The following KIAA0825 variants were observed in gnomAD, a reference collection of about 807,000 sequenced individuals.
The protein encoded by KIAA0825 is KIAA0825.
In KIAA0825, 119 loss-of-function variants were observed where a neutral mutation model predicts 147.6. The ratio of observed to expected loss-of-function variants is 0.81; its 90% confidence interval spans 0.69 to 0.94. KIAA0825 has a LOEUF of 0.94. Among genes scored for constraint, KIAA0825 ranks in the 40% least tolerant of loss-of-function variants. The pLI, the probability that KIAA0825 is intolerant of heterozygous loss-of-function variation, is 0.00. For missense variants in KIAA0825, 1,381 were observed against 1,472.7 expected, an observed-to-expected ratio of 0.94 and a Z score of 1.02; for synonymous variants, 470 against 518.1, an observed-to-expected ratio of 0.91 and a Z score of 1.26.
intron 20 of KIAA0825, among the ~76,000 whole-genome samples, chr5:94,278,756 A>G (rs1025394538): frequency 4.6e-5 from 7 of 152,122 alleles, no homozygotes; most frequent in Non-Finnish European, 1.0e-4. Context: ...TGAAGTTGAA[A>G]TGTACCTTTT....
intron 20 of KIAA0825, among the ~76,000 whole-genome samples, chr5:94,378,165 G>C (rs971314626): frequency 1.6e-4 from 25 of 152,130 alleles, no homozygotes; most frequent in Non-Finnish European, 2.9e-5. Flanking sequence ...TAGATAAATT[G>C]CGTGTCACAG....
At chr5:94,452,409 A>G (rs1288032876) in intron 13 of KIAA0825, among the ~76,000 whole-genome samples, 1 of 152,202 alleles carries the variant, frequency 6.6e-6, no homozygotes, top group African/African-American at 2.4e-5. Context: ...GATACCAAGG[A>G]AAGGTACTTT....
At chr5:94,487,937 A>C (rs748692176) in intron 5 of KIAA0825, among the ~76,000 whole-genome samples, 1 of 152,172 alleles carries the variant, frequency 6.6e-6, no homozygotes, top group Non-Finnish European at 1.5e-5. Flanking sequence ...TGGGCCACAG[A>C]GTGGGACCCT....
chr5:94,412,398 G>T (rs1209299539), intron 15 of KIAA0825, among the ~76,000 whole-genome samples: 1 of 152,162 alleles, frequency 6.6e-6, no homozygotes, highest in Non-Finnish European at 1.5e-5. Context: ...CAGTTTAGTA[G>T]TTTCTTTTTT....
rs77044316 is a variant in KIAA0825 at position 94,494,689 on chromosome 5, C to T, written c.971-9759G>A. Reference sequence around the variant, plus strand: ...ATCCCTTTCTTGGTCTCAAATTTTGCAAGAGTTCAGTTAATTATATCTCTT... The same window carrying T: ...ATCCCTTTCTTGGTCTCAAATTTTGTAAGAGTTCAGTTAATTATATCTCTT... On this transcript the variant is annotated intron_variant, in intron 5 of 20. Transcript: ENST00000682413. 5.4e-3 allele frequency among the ~76,000 whole-genome samples: 819 copies of T among 152,210 alleles called. 8 individuals carry two copies. The highest frequency in any genetic ancestry group is 0.027 in the Middle Eastern group (8 of 294).
intron 12 of KIAA0825, among the ~76,000 whole-genome samples, chr5:94,455,122 T>C (rs568834166): frequency 6.6e-6 from 1 of 152,216 alleles, no homozygotes; most frequent in East Asian, 1.9e-4. Context: ...GGTTTGAAGA[T>C]ATCAGTGTGG....
chr5:94,379,280 A>G (rs1370726513), intron 20 of KIAA0825, among the ~76,000 whole-genome samples: 1 of 152,188 alleles, frequency 6.6e-6, no homozygotes, highest in Non-Finnish European at 1.5e-5. Context: ...TGATTTTTGT[A>G]TATGGTGTAA....
Position 94,339,621 on chromosome 5 carries a change from C to T in KIAA0825, c.3710+44747G>A, listed in dbSNP as rs140566336. 3.3e-5 allele frequency among the ~76,000 whole-genome samples: 5 copies of T among 152,236 alleles called. No individual in the cohort carries two copies. The East Asian group carries it at 7.7e-4, about 24-fold the overall frequency. ...CAAGCCTGATGTCTCACCAGGCACT[C>T]GGGAGACAATGTGAGAAAGCACAGT... On this transcript the variant is annotated intron_variant, in intron 20 of 20. Transcript: ENST00000682413.
chr5:94,268,630 A>T (rs1257382153), intron 20 of KIAA0825, among the ~76,000 whole-genome samples: 4 of 152,126 alleles, frequency 2.6e-5, no homozygotes, highest in South Asian at 4.1e-4. Context: ...AATCTTTAGA[A>T]TGTATTCTAT....
At chr5:94,224,068 T>G (rs1773917084) in intron 20 of KIAA0825, among the ~76,000 whole-genome samples, 1 of 147,906 alleles carries the variant, frequency 6.8e-6, no homozygotes, top group African/African-American at 2.5e-5. Flanking sequence ...TTCTTTTCTC[T>G]TTCTTTTTCT....
At chr5:94,444,132 T>C (rs565238956) in intron 13 of KIAA0825, among the ~76,000 whole-genome samples, 4 of 152,144 alleles carry the variant, frequency 2.6e-5, no homozygotes, top group Non-Finnish European at 4.4e-5. Context: ...AAGATTGTGA[T>C]AATCCACTTG....
At chr5:94,539,037 TAGG>T (rs1772714101) in intron 2 of KIAA0825, among the ~76,000 whole-genome samples, 1 of 152,134 alleles carries the variant, frequency 6.6e-6, no homozygotes, top group African/African-American at 2.4e-5. Context: ...CAGGATGAGA[TAGG>T]AGGTCAGCAC....
At chr5:94,405,207 C>A (rs1446983205) in intron 15 of KIAA0825, among the ~76,000 whole-genome samples, 1 of 152,102 alleles carries the variant, frequency 6.6e-6, no homozygotes, top group Non-Finnish European at 1.5e-5. Flanking sequence ...TCAGTATAAT[C>A]TTTTATATTT....
intron 20 of KIAA0825, among the ~76,000 whole-genome samples, chr5:94,171,193 TG>T (rs1768579448): frequency 6.6e-6 from 1 of 152,168 alleles, no homozygotes; most frequent in African/African-American, 2.4e-5. Flanking sequence ...GTCTTTCCTA[TG>T]CTGTTCTCAT....
chr5:94,558,233 A>G (rs958840685), intron 2 of KIAA0825, among the ~76,000 whole-genome samples: 7 of 152,118 alleles, frequency 4.6e-5, no homozygotes, highest in Non-Finnish European at 1.0e-4. Context: ...GCAGCCTGCC[A>G]CCATTTTGGA....
At chr5:94,541,212 C>T (rs191276204) in intron 2 of KIAA0825, among the ~76,000 whole-genome samples, 26 of 152,266 alleles carry the variant, frequency 1.7e-4, no homozygotes, top group East Asian at 3.9e-4. Flanking sequence ...TGGAGTTAGA[C>T]GCTGGAAAGA....
chr5:94,452,894 A>C (rs985789345), intron 13 of KIAA0825, 65 bp downstream of exon 13: 1 of 888,014 alleles, frequency 1.1e-6, no homozygotes, highest in African/African-American at 1.8e-5. Flanking sequence ...CATTGATAAA[A>C]ATTTCTATTA....
intron 5 of KIAA0825, among the ~76,000 whole-genome samples, chr5:94,506,953 G>C (rs534371524): frequency 5.9e-5 from 9 of 152,264 alleles, no homozygotes; most frequent in Admixed American, 2.6e-4. Context: ...GGTGATAACA[G>C]TGAATTTATA....
At position 94,396,141 on chromosome 5, in the gene KIAA0825, C is replaced by A; in HGVS notation, c.3256G>T (p.Glu1086Ter). The change falls in exon 17 of 21, where the codon GAA becomes TAA. Residue 1086 changes from glutamate to a stop codon, truncating the protein, a stop_gained. Transcript: ENST00000682413. LOFTEE classifies it high-confidence loss of function. ...SIEQQKPNWIERQLLKARKLS... is the reference protein window; with the variant it reads ...SIEQQKPNWI Reference sequence around the variant, plus strand: ...TTCCTTGCTTTCAACAATTGACGTTCAATCCAGTTGGGCTTCTGCTGCTCA... The same window carrying A: ...TTCCTTGCTTTCAACAATTGACGTTAAATCCAGTTGGGCTTCTGCTGCTCA... 6.6e-7 allele frequency: 1 copy of A among 1,515,794 alleles called. No homozygotes were observed. Among genetic ancestry groups the A allele is most frequent in the South Asian group, 1.3e-5 (1 of 77,568 alleles). The allele number at this position is 1,515,794 out of a possible 1,614,324, so 93.9% of individuals were successfully genotyped here. A position where few individuals can be genotyped will look rare whatever the true frequency, so the allele number is the denominator to read the frequency against.
Sources: allele counts gnomAD v4.1 joint callset (sites outside exome capture counted in the v4.1 genomes callset), GRCh38; gene constraint gnomAD v4.1.1; transcripts MANE v1.5; gene names NCBI Gene and HGNC (gene_info 2026-07-23, HGNC 2026-07-21).